Variants in FAM81B observed in about 807,000 individuals in gnomAD.
FAM81B encodes the protein family with sequence similarity 81 member B, also known as protein FAM81B.
In FAM81B, 60 loss-of-function variants were observed where a neutral mutation model predicts 58.7. The ratio of observed to expected loss-of-function variants is 1.02; its 90% confidence interval spans 0.83 to 1.27. The LOEUF (loss-of-function observed/expected upper bound fraction) is 1.27, where lower values mean the gene tolerates loss of function less well. Ranked by LOEUF, FAM81B falls within the 50% of genes most tolerant of loss-of-function variation. FAM81B has a pLI of 0.00. For missense variants in FAM81B, 491 were observed against 522.0 expected (o/e 0.94, Z 0.58); for synonymous variants, 189 against 179.6 (o/e 1.05, Z -0.42).
intron 3 of FAM81B, among the ~76,000 whole-genome samples, 179 bp from the exon 4 acceptor site, chr5:95,413,768 C>T (rs887754108): frequency 1.3e-5 from 2 of 152,316 alleles, no homozygotes; most frequent in Non-Finnish European, 2.9e-5. Context: ...ATGAAAAGTG[C>T]ATCTGCTTCT....
At chr5:95,426,094 G>GTGTATATATATATATATATA (rs1491455240) in intron 5 of FAM81B, among the ~76,000 whole-genome samples, 2 of 120,178 alleles carry the variant, frequency 1.7e-5, no homozygotes, top group African/African-American at 6.5e-5. Flanking sequence ...ATCTCTGTGT[G>GTGTATATATATATATATATA]TATATATATA....
At chr5:95,416,411 G>A (rs1379718271) in intron 4 of FAM81B, among the ~76,000 whole-genome samples, 1 of 152,058 alleles carries the variant, frequency 6.6e-6, no homozygotes, top group African/African-American at 2.4e-5. Flanking sequence ...TTTTTAAGAA[G>A]GCAGTTGATT....
chr5:95,393,077 T>A (rs888890873), intron 2 of FAM81B, among the ~76,000 whole-genome samples, 180 bp downstream of exon 2: 6 of 152,200 alleles, frequency 3.9e-5, no homozygotes, highest in African/African-American at 1.2e-4. Context: ...GACCTCAATT[T>A]ACAATTTCAT....
chr5:95,420,147 T>C, intron 4 of FAM81B, 137 bp from the exon 5 acceptor site: 1 of 1,003,090 alleles, frequency 1.0e-6, no homozygotes, highest in South Asian at 1.6e-5. Flanking sequence ...CACTTCTCTC[T>C]GAGATAGGAC....
At chr5:95,417,647 G>C (rs1762571386) in intron 4 of FAM81B, among the ~76,000 whole-genome samples, 1 of 152,132 alleles carries the variant, frequency 6.6e-6, no homozygotes, top group Non-Finnish European at 1.5e-5. Flanking sequence ...TAATATGGTA[G>C]TAAGTGTTTA....
intron 1 of FAM81B, among the ~76,000 whole-genome samples, chr5:95,392,228 T>C (rs2152759253): frequency 6.6e-6 from 1 of 152,218 alleles, no homozygotes; most frequent in Middle Eastern, 3.4e-3. Context: ...CTGGAAACCA[T>C]CATTCTCAGC....
At chr5:95,445,971 T>C (rs1316058707) in intron 7 of FAM81B, among the ~76,000 whole-genome samples, 1 of 152,200 alleles carries the variant, frequency 6.6e-6, no homozygotes, top group Non-Finnish European at 1.5e-5. Flanking sequence ...ATGGCTTCTA[T>C]GCATTCTAAT....
At chr5:95,442,806 CAG>C in intron 7 of FAM81B, among the ~76,000 whole-genome samples, 1 of 152,250 alleles carries the variant, frequency 6.6e-6, no homozygotes, top group Non-Finnish European at 1.5e-5. Context: ...AGTAGAAAAA[CAG>C]TATTTCTTGG....
At chr5:95,432,896 T>C (rs1561309293) in intron 6 of FAM81B, among the ~76,000 whole-genome samples, 1 of 152,206 alleles carries the variant, frequency 6.6e-6, no homozygotes, top group Non-Finnish European at 1.5e-5. Context: ...CCTTTTATCT[T>C]TTCTTTTTCC....
At chr5:95,394,930 T>C (rs1761923940) in intron 2 of FAM81B, among the ~76,000 whole-genome samples, 1 of 152,224 alleles carries the variant, frequency 6.6e-6, no homozygotes, top group African/African-American at 2.4e-5. Context: ...GAAAAAGGAA[T>C]GCTTTCTGTA....
intron 9 of FAM81B, 47 bp from the exon 10 acceptor site, chr5:95,450,101 AG>A: frequency 6.5e-7 from 1 of 1,535,796 alleles, no homozygotes; most frequent in Non-Finnish European, 8.7e-7. Flanking sequence ...TTTAAAAAAA[AG>A]CTCTAATGCA....
chr5:95,420,238 T>C (rs1384771464), intron 4 of FAM81B, 46 bp from the exon 5 acceptor site: 3 of 1,610,012 alleles, frequency 1.9e-6, no homozygotes, highest in Non-Finnish European at 2.5e-6. Flanking sequence ...TGTTTCCTTA[T>C]CATGTGTGAT....
rs570532909 is a variant in FAM81B, at chr5:95,412,867, T to G, written c.294-1080T>G. 1.6e-4 allele frequency among the ~76,000 whole-genome samples: 24 copies of G among 152,356 alleles called. No individual in the cohort carries two copies. The South Asian group carries it at 4.8e-3, about 30-fold the overall frequency. ...GATGGGGACGATTTTCAAAGTGTCA[T>G]TCCTCAGCCAAAGTGAAGGATGCAC... is the stretch of plus-strand genomic sequence containing the variant. On this transcript the variant is annotated intron_variant, in intron 3 of 9. Coordinates refer to ENST00000283357, the MANE Select transcript of FAM81B (RefSeq NM_152548.3).
chr5:95,424,098 G>A (rs17084711), intron 5 of FAM81B: 242,964 of 1,289,410 alleles, frequency 0.19, 23,475 homozygotes, highest in African/African-American at 0.26. Context: ...GCTGAAGTGC[G>A]ACAGGCTGAG....
At chr5:95,403,032 T>A (rs1261060201) in intron 3 of FAM81B, among the ~76,000 whole-genome samples, 1 of 152,226 alleles carries the variant, frequency 6.6e-6, no homozygotes, top group African/African-American at 2.4e-5. Context: ...TATTCCATAG[T>A]TCACTACTTT....
At chr5:95,413,139 A>T (rs955927644) in intron 3 of FAM81B, among the ~76,000 whole-genome samples, 1 of 152,178 alleles carries the variant, frequency 6.6e-6, no homozygotes, top group African/African-American at 2.4e-5. Context: ...TACATGATTG[A>T]ATCATTTGAC....
At chr5:95,418,702 C>A (rs903329286) in intron 4 of FAM81B, among the ~76,000 whole-genome samples, 2 of 152,074 alleles carry the variant, frequency 1.3e-5, no homozygotes, top group Non-Finnish European at 2.9e-5. Context: ...TAGAACGTAT[C>A]CCCCTTGGAT....
intron 5 of FAM81B, among the ~76,000 whole-genome samples, chr5:95,422,182 T>C (rs1762704158): frequency 6.6e-6 from 1 of 152,036 alleles, no homozygotes. Context: ...TGACTTCATT[T>C]CTGTTAAAAA....
chr5:95,424,989 A>G (rs1582811285), intron 5 of FAM81B, among the ~76,000 whole-genome samples: 1 of 152,178 alleles, frequency 6.6e-6, no homozygotes, highest in East Asian at 1.9e-4. Flanking sequence ...TTAAAATAGA[A>G]CAAATGCAAC....
Sources: allele counts gnomAD v4.1 joint callset (sites outside exome capture counted in the v4.1 genomes callset), GRCh38; gene constraint gnomAD v4.1.1; transcripts MANE v1.5; gene names NCBI Gene and HGNC (gene_info 2026-07-23, HGNC 2026-07-21).